NDC80: variants seen among roughly 807,000 people sequenced by gnomAD.
The protein encoded by NDC80 is NDC80 kinetochore complex component.
NDC80 carries 69 observed loss-of-function variants against 89.3 expected under a neutral mutation model. The ratio of observed to expected loss-of-function variants is 0.77; its 90% CI spans 0.64 to 0.94. The LOEUF (loss-of-function observed/expected upper bound fraction) is 0.94. Ranked by LOEUF, NDC80 falls within the 40% of genes least tolerant of loss-of-function variation. The pLI is 0.00. For missense variants in NDC80, 593 were observed against 739.6 expected, an observed-to-expected ratio of 0.80 and a Z score of 2.30; for synonymous variants, 243 against 255.6, an observed-to-expected ratio of 0.95 and a Z score of 0.47.
Position 2,611,001 on chromosome 18 carries a change from C to T in NDC80, c.1791+140C>T, listed in dbSNP as rs553605489. ...TCTGGCAAAAATTTATCAGAAGAAT[C>T]TTGTCTAGTGATGTGGCAACGTGAT... is the stretch of plus-strand genomic sequence containing the variant. On this transcript the variant is annotated intron_variant, in intron 16 of 16. Coordinates refer to ENST00000261597, the MANE Select transcript of NDC80 (RefSeq NM_006101.3). 29 of 405,716 alleles carry T rather than the reference C, an allele frequency of 7.1e-5. No individual in the cohort carries two copies. The South Asian group carries it at 1.6e-3, about 23-fold the overall frequency. The allele number at this position is 405,716 out of a possible 1,614,324, so 25.1% of individuals were successfully genotyped here.
At chr18:2,584,612 AG>A (rs2072595249) in intron 6 of NDC80, among the ~76,000 whole-genome samples, 1 of 152,166 alleles carries the variant, frequency 6.6e-6, no homozygotes. Context: ...GTATTTCTAA[AG>A]ATTTTCTATT....
chr18:2,579,021 T>C lies in NDC80; in HGVS notation c.571T>C (p.Cys191Arg). The change falls in exon 6 of 17, where the codon TGC becomes CGC. Residue 191 changes from cysteine to arginine, a missense_variant. Coordinates refer to ENST00000261597, the MANE Select transcript of NDC80 (RefSeq NM_006101.3). ...GGCAGCCTTAGTTTGGCTAATAGAC[T>C]GCATCAAGGTATTTGATTTGTTCTT... ...IVAALVWLID[C>R]IKIHTAMKES... The C allele has an allele frequency of 1.3e-6, 2 of 1,532,844 alleles. No individual in the cohort carries two copies. The allele number at this position is 1,532,844 out of a possible 1,614,324, so 95.0% of individuals were successfully genotyped here.
intron 3 of NDC80, chr18:2,577,193 G>A (rs930440455): frequency 4.7e-5 from 7 of 150,048 alleles, no homozygotes; most frequent in Non-Finnish European, 4.4e-5. Context: ...TGCCCTGTGA[G>A]AAGGTACTGA....
chr18:2,600,641 C>T (rs1431256395), intron 12 of NDC80, among the ~76,000 whole-genome samples: 2 of 151,550 alleles, frequency 1.3e-5, no homozygotes, highest in Non-Finnish European at 2.9e-5. Context: ...ATTGAAGAGG[C>T]CATTGCATCT....
At chr18:2,591,385 CA>C (rs2072626786) in intron 10 of NDC80, among the ~76,000 whole-genome samples, 1 of 152,102 alleles carries the variant, frequency 6.6e-6, no homozygotes, top group Non-Finnish European at 1.5e-5. Flanking sequence ...AATTTATTGA[CA>C]ACTATACTGT....
intron 8 of NDC80, 120 bp downstream of exon 8, chr18:2,588,043 C>T (rs2072610663): frequency 3.0e-6 from 2 of 671,768 alleles, no homozygotes; most frequent in Non-Finnish European, 4.9e-6. Flanking sequence ...TATCTGGATG[C>T]CTACTGATTT....
intron 5 of NDC80, 55 bp from the exon 6 acceptor site, chr18:2,578,872 C>A (rs1193111687): frequency 9.2e-7 from 1 of 1,083,848 alleles, no homozygotes; most frequent in African/African-American, 1.7e-5. Context: ...TAACCATTAT[C>A]TTTACTAAAT....
In NDC80 at chr18:2,577,934, A is replaced by G. The variant is rs767731252; in HGVS notation, c.304-35A>G. ...AGGTATTTTCCAATAATTTTCCATT[A>G]CAAAACGTTTGGTGGTTCATAAAAA... On this transcript the variant is annotated intron_variant, in intron 4 of 16. Transcript: ENST00000261597. 4 of 1,609,486 alleles carry G rather than the reference A, an allele frequency of 2.5e-6. No individual in the cohort carries two copies. The South Asian group carries it at 3.3e-5, about 13-fold the overall frequency.
chr18:2,591,904 G>A (rs765061165), intron 10 of NDC80, among the ~76,000 whole-genome samples: 32 of 151,752 alleles, frequency 2.1e-4, no homozygotes, highest in Non-Finnish European at 3.4e-4. Context: ...ACAGGTGCAC[G>A]CCACCATGCC....
intron 10 of NDC80, among the ~76,000 whole-genome samples, chr18:2,593,090 T>C (rs146236099): frequency 4.0e-4 from 59 of 146,662 alleles, no homozygotes; most frequent in African/African-American, 1.3e-3. Flanking sequence ...ACTCTTACTC[T>C]GTCACCCAGC....
chr18:2,603,351 T>TTATATATATATATATATATATA lies in NDC80; in HGVS notation c.1464+1870_1464+1871insTATATATATATATATATATATA, dbSNP rs1179070812. The stretch of plus-strand genomic sequence containing the variant: ...TGGAGAACAACAGAAGAGAATATGT[T>TTATATATATATATATATATATA]TATACATATATATATATATATATAT... On this transcript the variant is annotated intron_variant, in intron 13 of 16. Transcript: ENST00000261597. 3.4e-3 allele frequency among the ~76,000 whole-genome samples: 274 copies of TTATATATATATATATATATATA among 80,820 alleles called. 9 individuals carry two copies. Among genetic ancestry groups the TTATATATATATATATATATATA allele is most frequent in the African/African-American group, 0.012 (244 of 19,836 alleles). 53.0% of individuals were successfully genotyped at this position (80,820 alleles called of 152,430 possible).
At chr18:2,595,651 T>C (rs746023722) in intron 11 of NDC80, 30 bp downstream of exon 11, 92 of 1,592,200 alleles carry the variant, frequency 5.8e-5, no homozygotes, top group Non-Finnish European at 7.1e-5. Flanking sequence ...GAGTGGCAAC[T>C]CATCATAGCT....
chr18:2,585,199 T>C lies in NDC80; in HGVS notation c.666T>C (p.Asn222=), dbSNP rs1157078890. The C allele has an allele frequency of 6.2e-7, 1 of 1,602,828 alleles. No individual in the cohort carries two copies. The highest frequency in any genetic ancestry group is 2.2e-5 in the East Asian group (1 of 44,738). ...AAACTGAAGATGGAATTATGCATAA[T>C]AAGGTACCATGTATTATCATAAACT... The part of the protein sequence containing the change: ...GEETEDGIMH[N]KLFLDYTIKC... The change falls in exon 7 of 17, where the codon AAT becomes AAC. Residue 222 remains asparagine, a synonymous_variant. Transcript: ENST00000261597.
At chr18:2,586,550 C>T (rs140272145) in intron 7 of NDC80, among the ~76,000 whole-genome samples, 2 of 152,124 alleles carry the variant, frequency 1.3e-5, no homozygotes, top group African/African-American at 4.8e-5. Flanking sequence ...AGCAACATGG[C>T]GAAACCCCAT....
At chr18:2,579,691 T>C (rs1201091454) in intron 6 of NDC80, among the ~76,000 whole-genome samples, 1 of 152,174 alleles carries the variant, frequency 6.6e-6, no homozygotes, top group Non-Finnish European at 1.5e-5. Flanking sequence ...CCTCCCAAAG[T>C]GCTGGGATTA....
intron 16 of NDC80, chr18:2,614,489 A>AG (rs2072764578): frequency 5.5e-4 from 1 of 1,818 alleles, no homozygotes; most frequent in African/African-American, 3.7e-3. Flanking sequence ...GAAAGGAAGG[A>AG]AGGAAGGAAG....
chr18:2,599,538 G>T (rs550217893), intron 12 of NDC80, among the ~76,000 whole-genome samples: 1 of 152,110 alleles, frequency 6.6e-6, no homozygotes, highest in Non-Finnish European at 1.5e-5. Flanking sequence ...GATGGTAACC[G>T]TGGAATGAAA....
At chr18:2,573,533 C>T (rs780065378) in intron 2 of NDC80, among the ~76,000 whole-genome samples, 1 of 152,174 alleles carries the variant, frequency 6.6e-6, no homozygotes, top group Non-Finnish European at 1.5e-5. Context: ...CGAACTCTTT[C>T]CTCAAGATTT....
intron 10 of NDC80, among the ~76,000 whole-genome samples, chr18:2,593,013 G>GGTGTGTGTGT (rs56851912): frequency 0.027 from 2,973 of 108,416 alleles, 77 homozygotes; most frequent in Middle Eastern, 0.038. Context: ...AATAAACTCT[G>GGTGTGTGTGT]GTGTGTGTGT....
Sources: allele counts gnomAD v4.1 joint callset (sites outside exome capture counted in the v4.1 genomes callset), GRCh38; gene constraint gnomAD v4.1.1; transcripts MANE v1.5; gene names NCBI Gene and HGNC (gene_info 2026-07-23, HGNC 2026-07-21).